The following CLSTN2 variants were observed in gnomAD, a reference collection of about 807,000 sequenced individuals.
The protein encoded by CLSTN2 is calsyntenin 2.
CLSTN2 carries 48 observed loss-of-function variants against 101.2 expected under a neutral mutation model. The ratio of observed to expected loss-of-function variants is 0.47; its 90% confidence interval spans 0.38 to 0.60. The LOEUF (loss-of-function observed/expected upper bound fraction) is 0.60. Ranked by LOEUF, CLSTN2 falls within the 20% of genes least tolerant of loss-of-function variation. The pLI is 0.00. For synonymous variants in CLSTN2, 481 were observed against 463.6 expected, an observed-to-expected ratio of 1.04 and a Z score of -0.48; for missense variants, 1,160 against 1,238.2, an observed-to-expected ratio of 0.94 and a Z score of 0.95.
chr3:140,285,413 G>A (rs1361618775), intron 2 of CLSTN2, among the ~76,000 whole-genome samples: 1 of 152,022 alleles, frequency 6.6e-6, no homozygotes. Context: ...GCTTCAGGTC[G>A]GCTTGCATGG....
chr3:140,224,474 G>A (rs2086301856), intron 2 of CLSTN2, among the ~76,000 whole-genome samples: 1 of 152,164 alleles, frequency 6.6e-6, no homozygotes, highest in African/African-American at 2.4e-5. Context: ...ACATAATGAG[G>A]AGCCCTGCCA....
chr3:140,146,540 C>T (rs1490699159), intron 1 of CLSTN2, among the ~76,000 whole-genome samples: 1 of 152,188 alleles, frequency 6.6e-6, no homozygotes, highest in Non-Finnish European at 1.5e-5. Context: ...CTAAATAAAG[C>T]AGGTAGGTAA....
chr3:140,483,564 T>C (rs1934173169), intron 8 of CLSTN2, among the ~76,000 whole-genome samples: 2 of 152,250 alleles, frequency 1.3e-5, no homozygotes, highest in South Asian at 4.2e-4. Context: ...CCCATTATTA[T>C]TGTGTGGGAG....
intron 1 of CLSTN2, among the ~76,000 whole-genome samples, chr3:140,013,271 G>A (rs948847914): frequency 6.6e-6 from 1 of 152,252 alleles, no homozygotes; most frequent in African/African-American, 2.4e-5. Flanking sequence ...CTAATTGTGA[G>A]TGAGAGAAAG....
chr3:140,559,276 T>C (rs1480043328), intron 12 of CLSTN2, among the ~76,000 whole-genome samples: 1 of 152,090 alleles, frequency 6.6e-6, no homozygotes. Flanking sequence ...CCCTTCCCTT[T>C]CTGTAATTGC....
intron 1 of CLSTN2, among the ~76,000 whole-genome samples, chr3:140,114,852 C>T (rs539365540): frequency 5.3e-5 from 8 of 152,150 alleles, no homozygotes; most frequent in African/African-American, 1.7e-4. Flanking sequence ...CCCCTCCCCC[C>T]ATTTCTCCAT....
chr3:140,396,167 G>T (rs1324679942), intron 2 of CLSTN2, among the ~76,000 whole-genome samples: 24 of 152,098 alleles, frequency 1.6e-4, no homozygotes, highest in Admixed American at 1.6e-3. Context: ...CCATCACTGC[G>T]ATGAGCAAAA....
At chr3:140,388,569 TAA>T (rs1479421807) in intron 2 of CLSTN2, among the ~76,000 whole-genome samples, 1 of 152,236 alleles carries the variant, frequency 6.6e-6, no homozygotes, top group African/African-American at 2.4e-5. Context: ...CAGTTGTGGT[TAA>T]GAGGTGGACT....
chr3:140,183,828 A>G (rs768043790), intron 2 of CLSTN2, among the ~76,000 whole-genome samples: 2 of 151,406 alleles, frequency 1.3e-5, no homozygotes, highest in Non-Finnish European at 2.9e-5. Flanking sequence ...AATAGGCATT[A>G]TTATTATTTT....
At chr3:140,338,533 T>C (rs2087463378) in intron 2 of CLSTN2, among the ~76,000 whole-genome samples, 1 of 151,830 alleles carries the variant, frequency 6.6e-6, no homozygotes, top group South Asian at 2.1e-4. Context: ...GCAGAAGGAA[T>C]GAAATTGGGA....
In CLSTN2 at chr3:140,459,610, ATCT is replaced by A; in HGVS notation, c.1066_1068del (p.Phe356del). ...ACTGCTGGTGGACAGCAGTGAGATGATCTTCAAGTTTGACGGCAGGCAGGGTGC... is the reference window on the plus strand; with the variant it reads ...ACTGCTGGTGGACAGCAGTGAGATGATCAAGTTTGACGGCAGGCAGGGTGC... On this transcript the variant is annotated inframe_deletion, in exon 7 of 17. Transcript: ENST00000458420. 6.2e-7 allele frequency: 1 copy of A among 1,614,164 alleles called. No individual in the cohort carries two copies. The highest frequency in any genetic ancestry group is 2.2e-5 in the East Asian group (1 of 44,872).
chr3:139,942,079 C>T (rs977570153), intron 1 of CLSTN2, among the ~76,000 whole-genome samples: 10 of 152,116 alleles, frequency 6.6e-5, no homozygotes, highest in Admixed American at 5.2e-4. Flanking sequence ...ACAGGCTTAC[C>T]TATTCAGAAT....
At chr3:139,946,911 C>A (rs1345508492) in intron 1 of CLSTN2, among the ~76,000 whole-genome samples, 1 of 152,234 alleles carries the variant, frequency 6.6e-6, no homozygotes, top group East Asian at 1.9e-4. Flanking sequence ...ATTATAAGAA[C>A]TAGAAGACTC....
chr3:140,206,518 C>G (rs1011120077), intron 2 of CLSTN2, among the ~76,000 whole-genome samples: 1 of 152,158 alleles, frequency 6.6e-6, no homozygotes, highest in Non-Finnish European at 1.5e-5. Flanking sequence ...TAATACCCAT[C>G]GGCTCTTATC....
intron 2 of CLSTN2, among the ~76,000 whole-genome samples, chr3:140,258,043 G>C (rs2086618588): frequency 2.0e-5 from 3 of 151,698 alleles, no homozygotes; most frequent in Non-Finnish European, 4.4e-5. Flanking sequence ...TTCTATCTTG[G>C]TGGCAAAATT....
chr3:140,310,875 TATTA>T (rs2087160752), intron 2 of CLSTN2, among the ~76,000 whole-genome samples: 1 of 152,236 alleles, frequency 6.6e-6, no homozygotes, highest in Non-Finnish European at 1.5e-5. Flanking sequence ...ATTCAATGAA[TATTA>T]ATTGTGTACC....
Position 140,532,437 on chromosome 3 carries a change from T to C in CLSTN2, c.1458T>C (p.Ile486=), listed in dbSNP as rs774715073. ...ACCTGGTGACCAACGACTGGCCCAT[T>C]CATCCATCTCACATAGCCATGCAAC... The part of the protein sequence containing the change: ...EPYLVTNDWP[I]HPSHIAMQLT... The change falls in exon 9 of 17, where the codon ATT becomes ATC. Residue 486 remains isoleucine, a synonymous_variant. Coordinates refer to ENST00000458420, the MANE Select transcript of CLSTN2 (RefSeq NM_022131.3). 2.1e-5 allele frequency: 34 copies of C among 1,613,934 alleles called. No individual in the cohort carries two copies. In the South Asian group the frequency reaches 3.3e-4, roughly 16 times the overall value.
At chr3:140,419,514 C>T (rs868310189) in intron 4 of CLSTN2, among the ~76,000 whole-genome samples, 71 of 56,912 alleles carry the variant, frequency 1.2e-3, no homozygotes, top group Non-Finnish European at 1.6e-3. Flanking sequence ...TATATATATA[C>T]ACACACATAT....
intron 9 of CLSTN2, among the ~76,000 whole-genome samples, chr3:140,535,653 CTTTAAAAGCTGTAAT>C (rs1935344321): frequency 6.6e-6 from 1 of 152,194 alleles, no homozygotes; most frequent in East Asian, 1.9e-4. Flanking sequence ...CTTATGGAAA[CTTTAAAAGCTGTAAT>C]TGCAAGGAGG....
Sources: gnomAD v4.1 joint callset for allele counts (sites outside exome capture counted in the v4.1 genomes callset) on GRCh38, gnomAD v4.1.1 for gene constraint, MANE v1.5 for transcripts, NCBI Gene and HGNC (gene_info 2026-07-23, HGNC 2026-07-21) for gene names.